RPS6KC1: variants seen among roughly 807,000 people sequenced by gnomAD.
RPS6KC1 encodes ribosomal protein S6 kinase C1, also known as inactive ribosomal protein S6 kinase delta-1.
In RPS6KC1, 54 loss-of-function variants were observed where a neutral mutation model predicts 103.8. The ratio of observed to expected loss-of-function variants is 0.52; its 90% CI spans 0.42 to 0.65. The LOEUF is 0.65. RPS6KC1 is among the 30% of genes least tolerant of loss of function. The pLI is 0.00. For missense variants in RPS6KC1, 1,151 were observed against 1,253.8 expected, an observed-to-expected ratio of 0.92 and a Z score of 1.24; for synonymous variants, 439 against 438.7, an observed-to-expected ratio of 1.00 and a Z score of -0.01.
intron 1 of RPS6KC1, among the ~76,000 whole-genome samples, chr1:213,061,330 T>C (rs758671338): frequency 1.6e-4 from 24 of 152,148 alleles, no homozygotes; most frequent in Non-Finnish European, 1.9e-4. Flanking sequence ...ATGGGAGTTC[T>C]TTCACTCCAG....
chr1:213,504,409 T>C, the RPS6KC1 span, among the ~76,000 whole-genome samples: 1 of 152,244 alleles, frequency 6.6e-6, no homozygotes, highest in Admixed American at 6.5e-5. Context: ...TCTTCTGGTG[T>C]TGTGTTTCCT....
chr1:213,715,152 G>A, the RPS6KC1 span, among the ~76,000 whole-genome samples: 2 of 152,184 alleles, frequency 1.3e-5, no homozygotes, highest in African/African-American at 4.8e-5. Flanking sequence ...TGGGTGAGAG[G>A]CATGGACAAT....
chr1:213,262,612 C>T (rs1276146370), intron 13 of RPS6KC1, 109 bp from the exon 14 acceptor site: 2 of 754,238 alleles, frequency 2.7e-6, no homozygotes, highest in Middle Eastern at 5.0e-4. Context: ...TACTACACTT[C>T]CAGTTAAAAT....
chr1:213,066,013 G>A (rs1015897935), intron 1 of RPS6KC1, among the ~76,000 whole-genome samples: 2 of 152,148 alleles, frequency 1.3e-5, no homozygotes, highest in Non-Finnish European at 2.9e-5. Flanking sequence ...TGTAAAAGGG[G>A]AAGTCATAAT....
intron 14 of RPS6KC1, among the ~76,000 whole-genome samples, chr1:213,265,300 A>G (rs953598960): frequency 4.6e-5 from 7 of 152,242 alleles, no homozygotes; most frequent in African/African-American, 1.7e-4. Context: ...TTATACTTGC[A>G]GATATATAGA....
At chr1:213,774,131 G>A in the RPS6KC1 span, among the ~76,000 whole-genome samples, 1 of 152,202 alleles carries the variant, frequency 6.6e-6, no homozygotes. Flanking sequence ...ATCCTGCCCT[G>A]TTTGGGGGGC....
intron 12 of RPS6KC1, among the ~76,000 whole-genome samples, chr1:213,244,222 C>T (rs960729076): frequency 6.1e-4 from 93 of 151,354 alleles, no homozygotes; most frequent in African/African-American, 2.1e-3. Flanking sequence ...AGATCCTCCC[C>T]ACTTTCTAAT....
intron 1 of RPS6KC1, among the ~76,000 whole-genome samples, chr1:213,063,407 C>A (rs74140557): frequency 0.011 from 1,640 of 152,286 alleles, 30 homozygotes; most frequent in African/African-American, 0.037. Flanking sequence ...AGTCTATTTT[C>A]TAGGTCTTTG....
chr1:213,632,561 A>T, the RPS6KC1 span, among the ~76,000 whole-genome samples: 1 of 152,262 alleles, frequency 6.6e-6, no homozygotes, highest in African/African-American at 2.4e-5. Context: ...TCAAAGACCA[A>T]AGGTAGATAA....
At chr1:213,438,358 G>A in the RPS6KC1 span, among the ~76,000 whole-genome samples, 1 of 152,080 alleles carries the variant, frequency 6.6e-6, no homozygotes, top group Non-Finnish European at 1.5e-5. Context: ...GCTGGATATT[G>A]TATATGAAAA....
chr1:213,099,459 T>C (rs2081813786), intron 3 of RPS6KC1, among the ~76,000 whole-genome samples: 1 of 152,216 alleles, frequency 6.6e-6, no homozygotes, highest in African/African-American at 2.4e-5. Context: ...CTTTCACCCA[T>C]ACATATTTTA....
the RPS6KC1 span, among the ~76,000 whole-genome samples, chr1:213,520,750 G>A: frequency 3.3e-5 from 5 of 152,180 alleles, no homozygotes; most frequent in African/African-American, 7.2e-5. Context: ...CTCAAAGGAA[G>A]CACAAACCTA....
chr1:213,139,290 A>G (rs1422912911), intron 6 of RPS6KC1, among the ~76,000 whole-genome samples: 3 of 151,926 alleles, frequency 2.0e-5, no homozygotes, highest in Non-Finnish European at 2.9e-5. Context: ...ATCCTGTTCT[A>G]TGGGTTGTCT....
the RPS6KC1 span, among the ~76,000 whole-genome samples, chr1:213,601,205 C>T: frequency 2.0e-5 from 3 of 151,646 alleles, no homozygotes; most frequent in South Asian, 2.1e-4. Flanking sequence ...TTCATATTTA[C>T]CTGTATTTGA....
At chr1:213,407,562 A>T in the RPS6KC1 span, among the ~76,000 whole-genome samples, 5 of 152,148 alleles carry the variant, frequency 3.3e-5, no homozygotes, top group African/African-American at 1.2e-4. Flanking sequence ...TGGGAACTTT[A>T]TTTTTTCTGA....
chr1:213,362,828 A>G, the RPS6KC1 span, among the ~76,000 whole-genome samples: 1 of 152,164 alleles, frequency 6.6e-6, no homozygotes, highest in Non-Finnish European at 1.5e-5. Flanking sequence ...GAAGCCCTTA[A>G]TAGAAGAAAA....
At chr1:213,246,068 G>T (rs908147710) in intron 12 of RPS6KC1, among the ~76,000 whole-genome samples, 1 of 152,140 alleles carries the variant, frequency 6.6e-6, no homozygotes, top group African/African-American at 2.4e-5. Context: ...GGCTACATCT[G>T]TGAAAAAGCC....
the RPS6KC1 span, among the ~76,000 whole-genome samples, chr1:213,857,040 T>C: frequency 1.3e-5 from 2 of 152,256 alleles, no homozygotes; most frequent in Non-Finnish European, 2.9e-5. Context: ...GCTATGATAT[T>C]AGTCTTATAT....
the RPS6KC1 span, among the ~76,000 whole-genome samples, chr1:213,519,826 T>C: frequency 6.6e-6 from 1 of 152,212 alleles, no homozygotes; most frequent in African/African-American, 2.4e-5. Flanking sequence ...GCTCAGTAGC[T>C]GAAGTGACAA....
Sources: allele counts gnomAD v4.1 joint callset (sites outside exome capture counted in the v4.1 genomes callset), GRCh38; gene constraint gnomAD v4.1.1; transcripts MANE v1.5; gene names NCBI Gene and HGNC (gene_info 2026-07-23, HGNC 2026-07-21).